EPB41L3: variants seen among roughly 807,000 people sequenced by gnomAD.
EPB41L3 encodes erythrocyte membrane protein band 4.1 like 3.
EPB41L3 carries 57 observed loss-of-function variants against 127.1 expected under a neutral mutation model. The observed-to-expected ratio is 0.45, with a 90% CI of 0.36 to 0.56. The LOEUF is 0.56. Ranked by LOEUF, EPB41L3 falls within the 20% of genes least tolerant of loss-of-function variation. EPB41L3 has a pLI of 0.00. For missense variants in EPB41L3, 1,273 were observed against 1,372.2 expected, an observed-to-expected ratio of 0.93 and a Z score of 1.14; for synonymous variants, 572 against 549.5, an observed-to-expected ratio of 1.04 and a Z score of -0.57.
chr18:5,397,163 A>G lies in EPB41L3; in HGVS notation c.2736T>C (p.Ala912=), dbSNP rs2073674882. Reference sequence around the variant, plus strand: ...CGGCTGTCTCTTCCTGTTCCAGGACAGCTTTAGCGACCTCCTCCCCTCCTT... The same window carrying G: ...CGGCTGTCTCTTCCTGTTCCAGGACGGCTTTAGCGACCTCCTCCCCTCCTT... The part of the protein sequence containing the change: ...KEEGGEEVAK[A]VLEQEETAAA... Residue 912 remains alanine (A), a synonymous_variant, in exon 18 of 23, where the codon GCT becomes GCC. Transcript: ENST00000341928. The surrounding 1 kb of genome is among the most constrained non-coding windows in gnomAD (Gnocchi z 4.1). 1 of 1,614,210 alleles carries G rather than the reference A, an allele frequency of 6.2e-7. No individual in the cohort carries two copies. The highest frequency in any genetic ancestry group is 8.5e-7 in the Non-Finnish European group (1 of 1,180,046).
At chr18:5,476,017 T>C (rs898058077) in intron 3 of EPB41L3, among the ~76,000 whole-genome samples, 2 of 152,142 alleles carry the variant, frequency 1.3e-5, no homozygotes, top group African/African-American at 4.8e-5. Context: ...CTTTCCATTG[T>C]TTATATCAAA....
At chr18:5,609,036 C>T (rs2094695619) in intron 3 of EPB41L3, among the ~76,000 whole-genome samples, 1 of 152,198 alleles carries the variant, frequency 6.6e-6, no homozygotes, top group Non-Finnish European at 1.5e-5. Flanking sequence ...ACATTCAATA[C>T]ATTTTTAGAA....
chr18:5,436,535 A>T (rs1333608539), intron 6 of EPB41L3, among the ~76,000 whole-genome samples: 1 of 149,482 alleles, frequency 6.7e-6, no homozygotes, highest in Non-Finnish European at 1.5e-5. Context: ...CAGCCTCCTG[A>T]GTAGCTGGGA....
At chr18:5,471,521 A>G (rs1415529065) in intron 3 of EPB41L3, among the ~76,000 whole-genome samples, 2 of 152,234 alleles carry the variant, frequency 1.3e-5, no homozygotes, top group Admixed American at 6.5e-5. Context: ...AAAACTTGGA[A>G]TATTTTCAGA....
chr18:5,457,793 T>C (rs1330940123), intron 3 of EPB41L3, among the ~76,000 whole-genome samples: 2 of 152,142 alleles, frequency 1.3e-5, no homozygotes, highest in Non-Finnish European at 2.9e-5. Flanking sequence ...CGAAGCCTTC[T>C]ACCCGTTCGT....
At chr18:5,593,984 C>T (rs1402353036) in intron 3 of EPB41L3, among the ~76,000 whole-genome samples, 2 of 152,138 alleles carry the variant, frequency 1.3e-5, no homozygotes, top group Non-Finnish European at 2.9e-5. Context: ...ATTGTTCAAA[C>T]ACACATGCTC....
intron 1 of EPB41L3, among the ~76,000 whole-genome samples, chr18:5,625,791 T>C (rs55666109): frequency 0.07 from 10,595 of 152,200 alleles, 1,184 homozygotes; most frequent in African/African-American, 0.24. Flanking sequence ...ATTTCACTGA[T>C]GAGGATTTGG....
intron 3 of EPB41L3, among the ~76,000 whole-genome samples, chr18:5,459,122 A>C (rs1300883083): frequency 6.6e-6 from 1 of 152,064 alleles, no homozygotes; most frequent in East Asian, 1.9e-4. Context: ...CATCATCTCT[A>C]GTTCTGATAT....
rs574258942 is a variant in EPB41L3 at position 5,582,790 on chromosome 18, A to C, written c.-306+29550T>G. Reference sequence around the variant, plus strand: ...GGTCATTTTCACTGTAAATATTTTAACCTCTCATAAAAATTTAAATATCCC... The same window carrying C: ...GGTCATTTTCACTGTAAATATTTTACCCTCTCATAAAAATTTAAATATCCC... On this transcript the variant is annotated intron_variant, in intron 3 of 21. Coordinates refer to the EPB41L3 transcript ENST00000545076. Among the ~76,000 whole-genome samples, 5 of 152,270 alleles carry C rather than the reference A, an allele frequency of 3.3e-5. No individual in the cohort carries two copies. The South Asian group carries it at 1.0e-3, about 32-fold the overall frequency.
intron 2 of EPB41L3, among the ~76,000 whole-genome samples, chr18:5,481,988 C>A (rs918872709): frequency 6.6e-6 from 1 of 152,124 alleles, no homozygotes; most frequent in South Asian, 2.1e-4. Flanking sequence ...CAGACACCCA[C>A]CCACAAGAAA....
intron 3 of EPB41L3, among the ~76,000 whole-genome samples, chr18:5,462,719 T>G (rs954147370): frequency 4.4e-4 from 67 of 152,310 alleles, no homozygotes; most frequent in African/African-American, 1.5e-3. Flanking sequence ...GGCTCTTTTC[T>G]TCTTGCTCAT....
chr18:5,426,726 G>A (rs928339335), intron 9 of EPB41L3, among the ~76,000 whole-genome samples: 5 of 152,078 alleles, frequency 3.3e-5, no homozygotes, highest in South Asian at 2.1e-4. Flanking sequence ...ATATGAGTCC[G>A]TTTTTCTGCT....
intron 3 of EPB41L3, among the ~76,000 whole-genome samples, chr18:5,602,591 T>C (rs928330010): frequency 6.6e-6 from 1 of 152,226 alleles, no homozygotes; most frequent in Admixed American, 6.5e-5. Flanking sequence ...ACTACAGGCA[T>C]GTGCCACCAT....
At chr18:5,546,933 TGAAC>T (rs1456352922), upstream of EPB41L3, among the ~76,000 whole-genome samples, 6 of 152,346 alleles carry the variant, frequency 3.9e-5, no homozygotes, top group East Asian at 1.2e-3. Context: ...CATTGAATAA[TGAAC>T]TAAGCTGTCA....
intron 12 of EPB41L3, among the ~76,000 whole-genome samples, chr18:5,417,213 G>A (rs2076934177): frequency 6.6e-6 from 1 of 152,160 alleles, no homozygotes; most frequent in Admixed American, 6.5e-5. Context: ...CCAGCCTTCT[G>A]ATTTTTCTTA....
At chr18:5,616,519 T>A (rs1334308188) in intron 1 of EPB41L3, among the ~76,000 whole-genome samples, 12 of 152,116 alleles carry the variant, frequency 7.9e-5, no homozygotes, top group Non-Finnish European at 1.6e-4. Context: ...CATAATAAAC[T>A]CCTTAGGTTT....
At chr18:5,452,040 C>G (rs2146644318) in intron 3 of EPB41L3, among the ~76,000 whole-genome samples, 1 of 152,132 alleles carries the variant, frequency 6.6e-6, no homozygotes, top group East Asian at 1.9e-4. Context: ...GGTTTTGACA[C>G]TTTTAGTAGA....
chr18:5,479,414 G>A (rs1387942481), intron 2 of EPB41L3, among the ~76,000 whole-genome samples: 24 of 152,022 alleles, frequency 1.6e-4, no homozygotes, highest in Non-Finnish European at 1.0e-4. Flanking sequence ...ACTTTTCAGG[G>A]GCTCGAAAAG....
intron 3 of EPB41L3, among the ~76,000 whole-genome samples, chr18:5,472,275 A>G (rs934621037): frequency 1.3e-5 from 2 of 152,202 alleles, no homozygotes; most frequent in East Asian, 3.9e-4. Flanking sequence ...CAGTCCCTGT[A>G]TGTAACTGTT....
Sources: gnomAD v4.1 joint callset for allele counts (sites outside exome capture counted in the v4.1 genomes callset) on GRCh38, gnomAD v4.1.1 for gene constraint, Gnocchi (gnomAD v3.1) non-coding constraint, MANE v1.5 for transcripts, NCBI Gene and HGNC (gene_info 2026-07-23, HGNC 2026-07-21) for gene names.